RGS22: variants seen among roughly 807,000 people sequenced by gnomAD.
The protein encoded by RGS22 is regulator of G-protein signaling 22.
In RGS22, 148 loss-of-function variants were observed where a neutral mutation model predicts 172.9. The observed-to-expected ratio is 0.86, with a 90% confidence interval of 0.75 to 0.98. The LOEUF (loss-of-function observed/expected upper bound fraction) is 0.98, where lower values mean the gene tolerates loss of function less well. Among genes scored for constraint, RGS22 ranks in the 50% least tolerant of loss-of-function variants. The pLI is 0.00. For synonymous variants in RGS22, 458 were observed against 480.2 expected, an observed-to-expected ratio of 0.95 and a Z score of 0.60; for missense variants, 1,347 against 1,440.8, an observed-to-expected ratio of 0.93 and a Z score of 1.05.
rs539407297 is a variant in RGS22 at position 100,101,390 on chromosome 8, G to A, written c.54+3984C>T. On this transcript the variant is annotated intron_variant, in intron 2 of 27. Coordinates refer to ENST00000360863, the MANE Select transcript of RGS22 (RefSeq NM_015668.5). ...CAACCTCTGCCTCCTGGATTCAAGC[G>A]ATTCTCCTGCCTCACCCTCCCGAGT... 2.1e-3 allele frequency among the ~76,000 whole-genome samples: 320 copies of A among 150,096 alleles called. 1 individual carries two copies. The highest frequency in any genetic ancestry group is 2.8e-3 in the Non-Finnish European group (191 of 67,730).
At chr8:100,043,008 A>T (rs1381649087) in intron 11 of RGS22, among the ~76,000 whole-genome samples, 1 of 152,186 alleles carries the variant, frequency 6.6e-6, no homozygotes, top group Non-Finnish European at 1.5e-5. Context: ...TGATATTAGG[A>T]GCCGCAACAC....
chr8:100,029,775 C>CTGCACATG (rs1818594515), intron 14 of RGS22, among the ~76,000 whole-genome samples: 1 of 150,394 alleles, frequency 6.6e-6, no homozygotes, highest in African/African-American at 2.4e-5. Flanking sequence ...CCTGCATGCT[C>CTGCACATG]TGCACATGTA....
At chr8:100,011,375 C>A (rs1816368089) in intron 14 of RGS22, among the ~76,000 whole-genome samples, 1 of 152,136 alleles carries the variant, frequency 6.6e-6, no homozygotes, top group South Asian at 2.1e-4. Flanking sequence ...CTCTTGCTTG[C>A]TTTTTTGCAG....
chr8:100,094,395 T>A (rs528414071), intron 2 of RGS22, among the ~76,000 whole-genome samples: 5 of 152,320 alleles, frequency 3.3e-5, no homozygotes, highest in African/African-American at 9.6e-5. Flanking sequence ...CTGGCCAATT[T>A]TTAAAAATTT....
chr8:100,094,116 T>G (rs1000853999), intron 2 of RGS22, among the ~76,000 whole-genome samples: 2 of 152,220 alleles, frequency 1.3e-5, no homozygotes, highest in Non-Finnish European at 2.9e-5. Context: ...TTTCCATAAC[T>G]ATCTCATCCA....
At chr8:99,997,329 A>C (rs1397513562) in intron 19 of RGS22, among the ~76,000 whole-genome samples, 1 of 152,216 alleles carries the variant, frequency 6.6e-6, no homozygotes, top group African/African-American at 2.4e-5. Context: ...TGATAAACAT[A>C]ATGAGGAAAC....
At position 100,074,068 on chromosome 8, in the gene RGS22, A is replaced by T. The variant is rs1811174054; in HGVS notation, c.340-1838T>A. Among the ~76,000 whole-genome samples, 4 of 152,194 alleles carry T rather than the reference A, an allele frequency of 2.6e-5. No individual in the cohort carries two copies. In the South Asian group the frequency reaches 8.3e-4, roughly 32 times the overall value. On this transcript the variant is annotated intron_variant, in intron 4 of 27. Transcript: ENST00000360863. ...GTGAAATTATTTAAACCTTAAAAAA[A>T]TTTCTTTAAGTTGGTTAAGAAACAA... is the stretch of plus-strand genomic sequence containing the variant.
At chr8:99,967,419 AGCCAAGTGGTCTC>A (rs1810864953) in intron 23 of RGS22, among the ~76,000 whole-genome samples, 1 of 151,714 alleles carries the variant, frequency 6.6e-6, no homozygotes, top group Non-Finnish European at 1.5e-5. Flanking sequence ...GAAGCCATGG[AGCCAAGTGGTCTC>A]GCTCAGTGGG....
At chr8:99,987,428 G>C in intron 21 of RGS22, 30 bp downstream of exon 21, 1 of 1,513,500 alleles carries the variant, frequency 6.6e-7, no homozygotes, top group Non-Finnish European at 8.9e-7. Context: ...CCTCAAAACA[G>C]GTGGTTTTCT....
In RGS22 at chr8:100,037,146, A is replaced by C. The variant is rs74739237; in HGVS notation, c.2166+1785T>G. ...AGACAATTGCTCCTGTAACCAAAAA[A>C]ATAAAGTTGGGCATGGTGGTGCATG... On this transcript the variant is annotated intron_variant, in intron 14 of 27. Coordinates refer to ENST00000360863, the MANE Select transcript of RGS22 (RefSeq NM_015668.5). 6.3e-3 allele frequency among the ~76,000 whole-genome samples: 956 copies of C among 152,198 alleles called. 9 individuals are homozygous for C. The highest frequency in any genetic ancestry group is 0.021 in the African/African-American group (879 of 41,528).
chr8:100,052,177 A>T (rs1287395263), intron 10 of RGS22, among the ~76,000 whole-genome samples: 6 of 129,708 alleles, frequency 4.6e-5, no homozygotes, highest in Non-Finnish European at 7.8e-5. Context: ...AAACATATAT[A>T]AATATATAAA....
chr8:100,029,140 A>T (rs1456889277), intron 14 of RGS22, among the ~76,000 whole-genome samples: 1 of 152,096 alleles, frequency 6.6e-6, no homozygotes, highest in African/African-American at 2.4e-5. Context: ...TCCAATTCTG[A>T]TGCTAGAAAA....
At chr8:100,101,907 T>C (rs1322875259) in intron 2 of RGS22, among the ~76,000 whole-genome samples, 1 of 151,696 alleles carries the variant, frequency 6.6e-6, no homozygotes, top group East Asian at 1.9e-4. Flanking sequence ...TAATAAAATA[T>C]TTTTCTCATG....
rs1446950156 is a variant in RGS22 at position 99,996,515 on chromosome 8, T to G, written c.2965A>C (p.Ile989Leu). The change falls in exon 20 of 28, where the codon ATA becomes CTA. Residue 989 changes from isoleucine to leucine, a missense_variant. Coordinates refer to ENST00000360863, the MANE Select transcript of RGS22 (RefSeq NM_015668.5). The stretch of plus-strand genomic sequence containing the variant: ...TTCTGTAGTAAGAGCTCTTCTGCTA[T>G]GTCTTTCATCTGTACCTGAAAGCAA... ...RQKIKVQMKD[I>L]AEELLLQKAE... The G allele has an allele frequency of 1.2e-6, 2 of 1,613,496 alleles. No homozygotes were observed. Among genetic ancestry groups the G allele is most frequent in the South Asian group, 2.2e-5 (2 of 91,044 alleles).
At chr8:100,086,273 G>C (rs1021737399) in intron 3 of RGS22, among the ~76,000 whole-genome samples, 5 of 152,114 alleles carry the variant, frequency 3.3e-5, no homozygotes, top group African/African-American at 1.2e-4. Context: ...TTTTAAGGGA[G>C]AATAGCAGAA....
intron 16 of RGS22, among the ~76,000 whole-genome samples, chr8:100,005,120 A>G (rs572418393): frequency 1.3e-5 from 2 of 152,030 alleles, no homozygotes; most frequent in South Asian, 2.1e-4. Context: ...ATATCTTGCT[A>G]CCTTTATGGA....
intron 14 of RGS22, among the ~76,000 whole-genome samples, chr8:100,014,350 T>C (rs1178517173): frequency 6.6e-6 from 1 of 152,164 alleles, no homozygotes; most frequent in Non-Finnish European, 1.5e-5. Context: ...CTAAAACGTT[T>C]TTCCTGACTC....
chr8:100,032,161 A>G (rs1445107720), intron 14 of RGS22, among the ~76,000 whole-genome samples: 1 of 152,202 alleles, frequency 6.6e-6, no homozygotes, highest in African/African-American at 2.4e-5. Context: ...AAATTCACAT[A>G]TAACAATATT....
intron 10 of RGS22, among the ~76,000 whole-genome samples, chr8:100,050,244 C>T (rs1021850103): frequency 1.3e-5 from 2 of 152,104 alleles, no homozygotes; most frequent in Non-Finnish European, 2.9e-5. Flanking sequence ...ACCTGAGAAT[C>T]TTAATAAGTT....
Sources: gnomAD v4.1 joint callset for allele counts (sites outside exome capture counted in the v4.1 genomes callset) on GRCh38, gnomAD v4.1.1 for gene constraint, MANE v1.5 for transcripts, NCBI Gene and HGNC (gene_info 2026-07-23, HGNC 2026-07-21) for gene names.